MAGI2: variants seen among roughly 807,000 people sequenced by gnomAD.
MAGI2 encodes the protein membrane associated guanylate kinase, WW and PDZ domain containing 2, also known as membrane-associated guanylate kinase, WW and PDZ domain-containing protein 2.
Under a neutral mutation model 133.3 loss-of-function variants are expected in MAGI2, and 35 were observed. The ratio of observed to expected loss-of-function variants is 0.26; its 90% CI spans 0.20 to 0.35. The LOEUF is 0.35. Ranked by LOEUF, MAGI2 falls within the 10% of genes least tolerant of loss-of-function variation. The pLI, the probability that MAGI2 is intolerant of heterozygous loss-of-function variation, is 1.00. For synonymous variants in MAGI2, 729 were observed against 710.6 expected, an observed-to-expected ratio of 1.03 and a Z score of -0.41; for missense variants, 1,636 against 1,863.4, an observed-to-expected ratio of 0.88 and a Z score of 2.25.
chr7:78,284,794 T>G (rs1795979807), intron 9 of MAGI2, among the ~76,000 whole-genome samples: 1 of 152,104 alleles, frequency 6.6e-6, no homozygotes, highest in South Asian at 2.1e-4. Context: ...AAAGGGACCT[T>G]GATTATATGG....
At chr7:78,522,111 T>C (rs1226074528) in intron 3 of MAGI2, among the ~76,000 whole-genome samples, 2 of 152,172 alleles carry the variant, frequency 1.3e-5, no homozygotes, top group Non-Finnish European at 2.9e-5. Flanking sequence ...ATGGCTATTG[T>C]CCTTGATGTG....
chr7:78,127,830 TCA>T (rs913407578), intron 18 of MAGI2, among the ~76,000 whole-genome samples: 3 of 152,170 alleles, frequency 2.0e-5, no homozygotes, highest in Non-Finnish European at 4.4e-5. Context: ...CTTTTTTCTC[TCA>T]CACACACCCC....
At chr7:79,414,461 AAGTT>A in intron 1 of MAGI2, 2 of 152,260 alleles carry the variant, frequency 1.3e-5, no homozygotes, top group Non-Finnish European at 2.9e-5. Flanking sequence ...AATTTGGTCA[AAGTT>A]AGAGTTCATA....
chr7:78,236,934 G>T (rs12667566), intron 10 of MAGI2, among the ~76,000 whole-genome samples: 44,420 of 151,990 alleles, frequency 0.29, 7,556 homozygotes, highest in Non-Finnish European at 0.37. Flanking sequence ...AAGAAACAAG[G>T]GAAAGCAGAA....
chr7:79,432,010 G>C (rs896141235), intron 1 of MAGI2, among the ~76,000 whole-genome samples: 2 of 152,154 alleles, frequency 1.3e-5, no homozygotes, highest in Admixed American at 1.3e-4. Flanking sequence ...TACTCATAGA[G>C]TTAATGTGAG....
intron 2 of MAGI2, among the ~76,000 whole-genome samples, chr7:78,684,657 G>C (rs1409889734): frequency 6.6e-6 from 1 of 152,086 alleles, no homozygotes; most frequent in Non-Finnish European, 1.5e-5. Flanking sequence ...TGAGTGGATA[G>C]CTGAGGAATG....
intron 3 of MAGI2, among the ~76,000 whole-genome samples, chr7:78,529,629 T>G (rs1390416677): frequency 6.6e-6 from 1 of 151,094 alleles, no homozygotes; most frequent in Non-Finnish European, 1.5e-5. Flanking sequence ...AATTTAAATT[T>G]TTTTGTTTTT....
At chr7:78,203,682 A>G (rs1330298608) in intron 10 of MAGI2, among the ~76,000 whole-genome samples, 1 of 152,254 alleles carries the variant, frequency 6.6e-6, no homozygotes, top group African/African-American at 2.4e-5. Flanking sequence ...CTGCAGAGTA[A>G]GGAATTTTAT....
chr7:78,469,113 GA>G (rs1175727057), intron 6 of MAGI2, among the ~76,000 whole-genome samples: 1 of 152,054 alleles, frequency 6.6e-6, no homozygotes, highest in African/African-American at 2.4e-5. Flanking sequence ...TACAGTTTAT[GA>G]TATATATCCA....
intron 21 of MAGI2, among the ~76,000 whole-genome samples, chr7:78,028,411 C>A (rs1809177674): frequency 6.6e-6 from 1 of 152,294 alleles, no homozygotes; most frequent in Non-Finnish European, 1.5e-5. Context: ...TTTTAGCTAC[C>A]TCTATGGCCA....
intron 2 of MAGI2, among the ~76,000 whole-genome samples, chr7:78,764,842 A>G (rs927130402): frequency 1.3e-5 from 2 of 152,206 alleles, no homozygotes; most frequent in African/African-American, 2.4e-5. Context: ...TAACCACTAC[A>G]TGATAATTTT....
chr7:78,375,256 C>G (rs1255469258), intron 6 of MAGI2, among the ~76,000 whole-genome samples: 1 of 152,064 alleles, frequency 6.6e-6, no homozygotes, highest in Non-Finnish European at 1.5e-5. Context: ...TGGGTAAATA[C>G]AACATTCATG....
At chr7:78,385,506 C>T (rs1307609870) in intron 6 of MAGI2, among the ~76,000 whole-genome samples, 1 of 152,074 alleles carries the variant, frequency 6.6e-6, no homozygotes, top group Non-Finnish European at 1.5e-5. Flanking sequence ...TTTCTGACTC[C>T]CTATTTGGTA....
chr7:79,446,191 A>G (rs1030484169), intron 1 of MAGI2, among the ~76,000 whole-genome samples: 2 of 152,200 alleles, frequency 1.3e-5, no homozygotes, highest in African/African-American at 4.8e-5. Context: ...GGGGAGGGAT[A>G]GCATTAGCAG....
chr7:78,842,187 C>T (rs1792201890), intron 2 of MAGI2, among the ~76,000 whole-genome samples: 1 of 151,836 alleles, frequency 6.6e-6, no homozygotes, highest in African/African-American at 2.4e-5. Context: ...TAAATAATCA[C>T]AAAATTTCAG....
intron 2 of MAGI2, among the ~76,000 whole-genome samples, chr7:78,759,554 C>T (rs1469512496): frequency 2.6e-5 from 4 of 151,924 alleles, no homozygotes; most frequent in Non-Finnish European, 4.4e-5. Context: ...GTTAAAATGG[C>T]AAATTTAATG....
At chr7:79,446,312 A>T (rs1848847634) in intron 1 of MAGI2, among the ~76,000 whole-genome samples, 1 of 152,332 alleles carries the variant, frequency 6.6e-6, no homozygotes, top group South Asian at 2.1e-4. Flanking sequence ...AATTTAAAGT[A>T]CAATTAAAAA....
In MAGI2 at chr7:78,700,607, C is replaced by A. The variant is rs541587324; in HGVS notation, c.419-73368G>T. Among the ~76,000 whole-genome samples the A allele has an allele frequency of 9.9e-4, 150 of 152,168 alleles. 1 individual carries two copies. Among genetic ancestry groups the A allele is most frequent in the Non-Finnish European group, 8.7e-4 (59 of 67,944 alleles). On this transcript the variant is annotated intron_variant, in intron 2 of 21. Transcript: ENST00000354212. ...GTTTCTTCTAGTCAATTCTTCTCAACCACTTTGAACAAATCAGTATACCTA... is the reference window on the plus strand; with the variant it reads ...GTTTCTTCTAGTCAATTCTTCTCAAACACTTTGAACAAATCAGTATACCTA...
At position 78,875,362 on chromosome 7, in the gene MAGI2, A is replaced by T. The variant is rs142031929; in HGVS notation, c.418+131728T>A. 3.9e-3 allele frequency among the ~76,000 whole-genome samples: 601 copies of T among 152,276 alleles called. 5 individuals carry two copies. Among genetic ancestry groups the T allele is most frequent in the African/African-American group, 0.014 (572 of 41,556 alleles). On this transcript the variant is annotated intron_variant, in intron 2 of 21. Coordinates refer to ENST00000354212, the MANE Select transcript of MAGI2 (RefSeq NM_012301.4). ...AAAAGCAACTAAAATTTATGAATCA[A>T]TAGAAGCAAGAGAACCACAGAAAGA...
Sources: allele counts gnomAD v4.1 joint callset (sites outside exome capture counted in the v4.1 genomes callset), GRCh38; gene constraint gnomAD v4.1.1; transcripts MANE v1.5; gene names NCBI Gene and HGNC (gene_info 2026-07-23, HGNC 2026-07-21).